KIF15: variants seen among roughly 807,000 people sequenced by gnomAD.
KIF15 encodes kinesin family member 15, also known as kinesin-like protein KIF15.
Under a neutral mutation model 190.6 loss-of-function variants are expected in KIF15, and 140 were observed. The observed-to-expected ratio is 0.73, with a 90% CI of 0.64 to 0.84. The LOEUF is 0.84. Ranked by LOEUF, KIF15 falls within the 40% of genes least tolerant of loss-of-function variation. KIF15 has a pLI of 0.00. For missense variants in KIF15, 1,372 were observed against 1,584.4 expected, an observed-to-expected ratio of 0.87 and a Z score of 2.28; for synonymous variants, 528 against 551.3, an observed-to-expected ratio of 0.96 and a Z score of 0.59.
chr3:44,806,477 G>C (rs1278853456), intron 16 of KIF15, among the ~76,000 whole-genome samples: 1 of 151,948 alleles, frequency 6.6e-6, no homozygotes, highest in African/African-American at 2.4e-5. Flanking sequence ...AGAGGGTTTT[G>C]TCCTAAATAA....
chr3:44,831,508 A>C (rs75916111), intron 26 of KIF15, among the ~76,000 whole-genome samples: 1 of 152,198 alleles, frequency 6.6e-6, no homozygotes, highest in Non-Finnish European at 1.5e-5. Context: ...GGATGCAGTG[A>C]TAGTAGCAGA....
intron 5 of KIF15, among the ~76,000 whole-genome samples, chr3:44,782,993 T>C (rs763751193): frequency 6.6e-6 from 1 of 152,116 alleles, no homozygotes. Context: ...TTTTTTAAAA[T>C]AAACAAATAG....
chr3:44,866,077 T>TG (rs1329497548), intron 6 of KIF15, among the ~76,000 whole-genome samples: 1 of 133,156 alleles, frequency 7.5e-6, no homozygotes, highest in African/African-American at 2.6e-5. Context: ...TTTGTTTTTT[T>TG]GGGTTTTTTT....
intron 7 of KIF15, among the ~76,000 whole-genome samples, chr3:44,787,964 C>T (rs1399363350): frequency 1.3e-5 from 2 of 152,148 alleles, no homozygotes; most frequent in East Asian, 1.9e-4. Flanking sequence ...AAGCAATTCT[C>T]GTGCCTTAGC....
At chr3:44,856,283 G>A (rs182345943), downstream of KIF15, among the ~76,000 whole-genome samples, 1 of 152,280 alleles carries the variant, frequency 6.6e-6, no homozygotes, top group East Asian at 1.9e-4. Flanking sequence ...CTGGGCAGGG[G>A]CAAATCCCCA....
intron 8 of KIF15, among the ~76,000 whole-genome samples, chr3:44,794,793 C>T (rs1295605398): frequency 6.6e-6 from 1 of 152,020 alleles, no homozygotes; most frequent in Non-Finnish European, 1.5e-5. Flanking sequence ...AATCCCGTCT[C>T]TACTAAAAAA....
intron 23 of KIF15, 91 bp from the exon 24 acceptor site, chr3:44,828,123 T>C: frequency 1.2e-6 from 1 of 844,044 alleles, no homozygotes; most frequent in Non-Finnish European, 1.9e-6. Flanking sequence ...GACTCTATAA[T>C]ATGAAAAGCT....
chr3:44,779,032 T>G (rs1003617973), intron 4 of KIF15, among the ~76,000 whole-genome samples: 2 of 151,924 alleles, frequency 1.3e-5, no homozygotes, highest in African/African-American at 4.8e-5. Context: ...TTGTCTGTTT[T>G]CCACATTTAT....
chr3:44,811,904 G>A (rs896790093), intron 17 of KIF15, among the ~76,000 whole-genome samples: 8 of 152,170 alleles, frequency 5.3e-5, no homozygotes, highest in African/African-American at 1.9e-4. Flanking sequence ...GCTCTGTCAT[G>A]TAATCCAGGA....
chr3:44,800,605 A>G (rs959725720), intron 11 of KIF15, among the ~76,000 whole-genome samples, 168 bp downstream of exon 11: 3 of 152,240 alleles, frequency 2.0e-5, no homozygotes, highest in Non-Finnish European at 4.4e-5. Flanking sequence ...ATAATCAGAT[A>G]CAGATACCAT....
intron 20 of KIF15, among the ~76,000 whole-genome samples, chr3:44,823,772 C>T (rs146172109): frequency 0.011 from 1,661 of 152,336 alleles, 25 homozygotes; most frequent in African/African-American, 0.037. Flanking sequence ...TCTCAGACTG[C>T]TGTGCTAGCA....
At chr3:44,794,134 GC>G in intron 7 of KIF15, 82 bp from the exon 8 acceptor site, 3 of 1,123,910 alleles carry the variant, frequency 2.7e-6, no homozygotes, top group Non-Finnish European at 3.9e-6. Flanking sequence ...TCCAGACATG[GC>G]CTCCCAAACT....
Position 44,831,022 on chromosome 3 carries a change from G to C in KIF15, c.3171+4G>C, listed in dbSNP as rs1698044158. 6.2e-7 allele frequency: 1 copy of C among 1,613,038 alleles called. No homozygotes were observed. The highest frequency in any genetic ancestry group is 8.5e-7 in the Non-Finnish European group (1 of 1,179,678). On this transcript the variant is annotated splice_donor_region_variant and intron_variant, in intron 26 of 34. Transcript: ENST00000326047. Reference sequence around the variant, plus strand: ...AATACTTTCTGAGGACATAGAGGTAGGTATTAACGCATCACAGCTTCTTTG... The same window carrying C: ...AATACTTTCTGAGGACATAGAGGTACGTATTAACGCATCACAGCTTCTTTG...
In KIF15 at chr3:44,817,325, T is replaced by A. The variant is rs1358041688; in HGVS notation, c.2549+2249T>A. On this transcript the variant is annotated intron_variant, in intron 20 of 34. Transcript: ENST00000326047. ...CATGAAGTCTTTGCCCATGCGTATG[T>A]CTTGAATGGTATTGCCTAGGTTTTC... is the stretch of plus-strand genomic sequence containing the variant. Among the ~76,000 whole-genome samples the A allele has an allele frequency of 2.0e-5, 3 of 152,236 alleles. 1 individual carries two copies. Among genetic ancestry groups the A allele is most frequent in the South Asian group, 4.1e-4 (2 of 4,834 alleles).
intron 32 of KIF15, among the ~76,000 whole-genome samples, chr3:44,850,606 A>G (rs1192034910): frequency 6.6e-6 from 1 of 152,184 alleles, no homozygotes; most frequent in Non-Finnish European, 1.5e-5. Flanking sequence ...TACAACAGCA[A>G]TTTTAAACGT....
At chr3:44,809,427 A>G (rs965413035) in intron 16 of KIF15, among the ~76,000 whole-genome samples, 2 of 152,124 alleles carry the variant, frequency 1.3e-5, no homozygotes, top group East Asian at 3.9e-4. Flanking sequence ...TATATTTTTG[A>G]TGTAGCCAGG....
intron 7 of KIF15, among the ~76,000 whole-genome samples, chr3:44,792,202 G>T (rs953968327): frequency 1.3e-5 from 2 of 151,938 alleles, no homozygotes; most frequent in African/African-American, 2.4e-5. Context: ...ATAGCTGGGC[G>T]CAGTGGCTTA....
intron 30 of KIF15, among the ~76,000 whole-genome samples, chr3:44,844,155 G>A (rs183112354): frequency 2.0e-5 from 3 of 146,760 alleles, no homozygotes; most frequent in Non-Finnish European, 2.9e-5. Flanking sequence ...CTTTGACAGA[G>A]AAGCTTGTGC....
chr3:44,790,607 ATCTGTTTTG>A (rs1008486002), intron 7 of KIF15, among the ~76,000 whole-genome samples: 3 of 151,546 alleles, frequency 2.0e-5, no homozygotes, highest in Non-Finnish European at 2.9e-5. Flanking sequence ...TGCTTTACAA[ATCTGTTTTG>A]TCTGATGTTC....
Sources: gnomAD v4.1 joint callset for allele counts (sites outside exome capture counted in the v4.1 genomes callset) on GRCh38, gnomAD v4.1.1 for gene constraint, MANE v1.5 for transcripts, NCBI Gene and HGNC (gene_info 2026-07-23, HGNC 2026-07-21) for gene names.